The following TAF4 variants were observed in gnomAD, a reference collection of about 807,000 sequenced individuals.
TAF4 encodes the protein transcription initiation factor TFIID subunit 4.
In TAF4, 9 loss-of-function variants were observed where a neutral mutation model predicts 90.3. The ratio of observed to expected loss-of-function variants is 0.10; its 90% CI spans 0.06 to 0.17. The LOEUF is 0.17. Among genes scored for constraint, TAF4 ranks in the 10% least tolerant of loss-of-function variants. The pLI, the probability that TAF4 is intolerant of heterozygous loss-of-function variation, is 1.00. For synonymous variants in TAF4, 818 were observed against 638.9 expected, an observed-to-expected ratio of 1.28 and a Z score of -4.23; for missense variants, 1,351 against 1,370.7, an observed-to-expected ratio of 0.99 and a Z score of 0.23.
chr20:61,998,860 T>C, intron 12 of TAF4, 123 bp downstream of exon 12: 1 of 1,317,836 alleles, frequency 7.6e-7, no homozygotes, highest in East Asian at 2.3e-5. Flanking sequence ...ACCCATCACC[T>C]TTGCTTCAAG....
chr20:61,990,924 G>A (rs187330758), intron 14 of TAF4, among the ~76,000 whole-genome samples: 24 of 152,196 alleles, frequency 1.6e-4, no homozygotes, highest in Admixed American at 5.2e-4. Flanking sequence ...CTAAACTCAC[G>A]TCGAAATTAG....
chr20:62,056,770 C>T (rs1000168735), intron 1 of TAF4, among the ~76,000 whole-genome samples: 2 of 152,138 alleles, frequency 1.3e-5, no homozygotes, highest in Non-Finnish European at 2.9e-5. Flanking sequence ...GTATTTTCTT[C>T]TTTACAGTTT....
chr20:62,000,796 G>A lies in TAF4; in HGVS notation c.2487-75C>T, dbSNP rs1483167872. ...GAGGTGGGCTGGGGTGGTAAGGGCAGGAAACCCCACGTGGAAGGCAGGGCC... is the reference window on the plus strand; with the variant it reads ...GAGGTGGGCTGGGGTGGTAAGGGCAAGAAACCCCACGTGGAAGGCAGGGCC... On this transcript the variant is annotated intron_variant, in intron 9 of 14. Transcript: ENST00000252996. 5.2e-6 allele frequency: 8 copies of A among 1,546,702 alleles called. No individual in the cohort carries two copies. The East Asian group carries it at 1.8e-4, about 35-fold the overall frequency.
intron 14 of TAF4, among the ~76,000 whole-genome samples, chr20:61,993,839 G>A (rs1177751845): frequency 2.6e-5 from 4 of 152,134 alleles, no homozygotes; most frequent in Non-Finnish European, 5.9e-5. Context: ...TGCAACCTCC[G>A]CCTCCAGGGT....
Position 62,065,689 on chromosome 20 carries a change from T to C in TAF4, c.122A>G (p.His41Arg), listed in dbSNP as rs999084074. ...SQLAASAAHH[H>R]HLAPRTPEVR... The stretch of plus-strand genomic sequence containing the variant: ...CTCGGGCGTGCGCGGCGCGAGGTGG[T>C]GGTGGTGGGCCGCGCTGGCCGCCAG... The change falls in exon 1 of 15, where the codon CAC becomes CGC. Residue 41 changes from histidine to arginine, a missense_variant. Around this residue, in one of 9 missense-constraint regions of TAF4, gnomAD observed 782 missense variants for 536.6 expected, o/e 1.46. Coordinates refer to ENST00000252996, the MANE Select transcript of TAF4 (RefSeq NM_003185.4). The C allele has an allele frequency of 2.5e-6, 3 of 1,218,142 alleles. No homozygotes were observed. Among genetic ancestry groups the C allele is most frequent in the African/African-American group, 3.4e-5 (2 of 59,274 alleles). The allele number at this position is 1,218,142 out of a possible 1,614,324, so 75.5% of individuals were successfully genotyped here. A position where few individuals can be genotyped will look rare whatever the true frequency, so the allele number is the denominator to read the frequency against.
chr20:62,045,195 C>T (rs2055986272), intron 1 of TAF4, among the ~76,000 whole-genome samples: 1 of 152,230 alleles, frequency 6.6e-6, no homozygotes, highest in Non-Finnish European at 1.5e-5. Context: ...GGAATCCCAT[C>T]GGGATGCTCC....
intron 1 of TAF4, among the ~76,000 whole-genome samples, chr20:62,064,117 C>T (rs547730788): frequency 1.1e-3 from 172 of 152,366 alleles, no homozygotes; most frequent in Middle Eastern, 3.4e-3. Flanking sequence ...CCTACCAACC[C>T]GGGCAGGGAC....
intron 1 of TAF4, chr20:62,064,203 G>A (rs935314435): frequency 6.5e-5 from 26 of 402,814 alleles, no homozygotes; most frequent in African/African-American, 4.5e-4. Flanking sequence ...CCAGCCCCAG[G>A]CACAGGCAGC....
intron 1 of TAF4, among the ~76,000 whole-genome samples, chr20:62,043,559 C>G (rs778808547): frequency 6.6e-6 from 1 of 152,192 alleles, no homozygotes; most frequent in African/African-American, 2.4e-5. Flanking sequence ...CTCAGACTCC[C>G]GCAGAGCAAC....
chr20:62,009,576 A>C (rs1407140319), intron 4 of TAF4, among the ~76,000 whole-genome samples: 1 of 152,184 alleles, frequency 6.6e-6, no homozygotes, highest in Non-Finnish European at 1.5e-5. Flanking sequence ...AAACACCAAA[A>C]AGGCGTCAAG....
intron 1 of TAF4, among the ~76,000 whole-genome samples, chr20:62,047,940 C>G (rs1244393385): frequency 2.6e-5 from 4 of 152,222 alleles, no homozygotes; most frequent in Non-Finnish European, 2.9e-5. Flanking sequence ...CTGACACCGG[C>G]AACCCTGCCC....
At chr20:62,054,298 CTG>C (rs1175194142) in intron 1 of TAF4, among the ~76,000 whole-genome samples, 31 of 152,178 alleles carry the variant, frequency 2.0e-4, no homozygotes, top group Admixed American at 1.3e-4. Context: ...CTGGTCACCT[CTG>C]TGAGCCTCAG....
At chr20:62,017,542 G>C in intron 1 of TAF4, among the ~76,000 whole-genome samples, 1 of 152,168 alleles carries the variant, frequency 6.6e-6, no homozygotes, top group Admixed American at 6.5e-5. Context: ...AGCTACTTGG[G>C]AGGCTGAGGC....
chr20:62,003,354 G>C, intron 8 of TAF4, 80 bp from the exon 9 acceptor site: 1 of 1,159,452 alleles, frequency 8.6e-7, no homozygotes, highest in Non-Finnish European at 1.3e-6. Flanking sequence ...ACAGGCTCAA[G>C]GGCACAGCTA....
intron 1 of TAF4, among the ~76,000 whole-genome samples, chr20:62,059,883 C>T (rs567342997): frequency 1.3e-5 from 2 of 152,252 alleles, no homozygotes. Context: ...ATGCTTTGAT[C>T]AACTCACTTA....
chr20:62,020,435 G>C (rs2123160382), intron 1 of TAF4, among the ~76,000 whole-genome samples: 1 of 152,382 alleles, frequency 6.6e-6, no homozygotes, highest in South Asian at 2.1e-4. Flanking sequence ...CTCAGCTGCT[G>C]TCCAGCTCCA....
At chr20:62,029,420 A>C (rs1345423300) in intron 1 of TAF4, among the ~76,000 whole-genome samples, 1 of 152,112 alleles carries the variant, frequency 6.6e-6, no homozygotes, top group Non-Finnish European at 1.5e-5. Context: ...TCTGACACAG[A>C]AGCCCTTCGA....
At chr20:62,002,324 G>A (rs2055711076) in intron 9 of TAF4, among the ~76,000 whole-genome samples, 1 of 152,084 alleles carries the variant, frequency 6.6e-6, no homozygotes, top group African/African-American at 2.4e-5. Context: ...GAAGTGTCTG[G>A]GAAAGGGAAA....
intron 14 of TAF4, among the ~76,000 whole-genome samples, chr20:61,994,810 C>G (rs1600831998): frequency 6.6e-6 from 1 of 152,210 alleles, no homozygotes; most frequent in African/African-American, 2.4e-5. Context: ...TGCCACGGGG[C>G]TGAGAGCGAA....
Sources: gnomAD v4.1 joint callset for allele counts (sites outside exome capture counted in the v4.1 genomes callset) on GRCh38, gnomAD v4.1.1 for gene constraint, gnomAD v4.1.1 regional missense constraint, MANE v1.5 for transcripts, NCBI Gene and HGNC (gene_info 2026-07-23, HGNC 2026-07-21) for gene names.